PUM2: variants seen among roughly 807,000 people sequenced by gnomAD.
The protein encoded by PUM2 is pumilio RNA binding family member 2, also known as pumilio homolog 2.
A neutral mutation model predicts 124.5 loss-of-function variants in PUM2; 57 were observed. The observed-to-expected ratio is 0.46, with a 90% CI of 0.37 to 0.57. The LOEUF (loss-of-function observed/expected upper bound fraction) is 0.57. PUM2 is among the 20% of genes least tolerant of loss of function. The probability of loss-of-function intolerance (pLI) is 0.00; values close to 1 mark genes in which losing one functional copy is unlikely to be tolerated. For synonymous variants in PUM2, 460 were observed against 446.1 expected, an observed-to-expected ratio of 1.03 and a Z score of -0.39; for missense variants, 1,065 against 1,290.6, an observed-to-expected ratio of 0.83 and a Z score of 2.68.
chr2:20,263,725 T>A (rs1666861590), intron 13 of PUM2, among the ~76,000 whole-genome samples: 1 of 151,788 alleles, frequency 6.6e-6, no homozygotes, highest in African/African-American at 2.4e-5. Flanking sequence ...AATTATATGA[T>A]CTAGTGTCAT....
At chr2:20,282,033 C>A (rs1273818525) in intron 12 of PUM2, among the ~76,000 whole-genome samples, 2 of 152,194 alleles carry the variant, frequency 1.3e-5, no homozygotes, top group East Asian at 3.8e-4. Context: ...ATATTAAGGA[C>A]TGTAGCAAGT....
In PUM2 at chr2:20,290,032, G is replaced by A. The variant is rs981801867; in HGVS notation, c.1291+620C>T. ...CATTTTTTTTACTTAGAAAACAACC[G>A]TTCTTCCTCCATTATTATTAGTGAT... On this transcript the variant is annotated intron_variant, in intron 10 of 20. Transcript: ENST00000361078. Among the ~76,000 whole-genome samples the A allele has an allele frequency of 3.6e-4, 55 of 151,960 alleles. 1 individual carries two copies. Among genetic ancestry groups the A allele is most frequent in the African/African-American group, 1.2e-3 (51 of 41,370 alleles).
chr2:20,267,793 T>C (rs10204489), intron 13 of PUM2, among the ~76,000 whole-genome samples: 5,331 of 152,280 alleles, frequency 0.035, 88 homozygotes, highest in Middle Eastern at 0.068. Context: ...GCTTATCTCA[T>C]ACGACAGTGT....
In PUM2 at chr2:20,292,671, C is replaced by G. The variant is rs541444423; in HGVS notation, c.1152+1705G>C. On this transcript the variant is annotated intron_variant, in intron 9 of 20. Coordinates refer to ENST00000361078, the MANE Select transcript of PUM2 (RefSeq NM_015317.5). ...CTAGGCTGGGCGCAGTGGCTCACAC[C>G]TGTAATCCCAGCACTTTGGGAGGCC... 7.9e-5 allele frequency among the ~76,000 whole-genome samples: 12 copies of G among 152,274 alleles called. No individual in the cohort carries two copies. In the South Asian group the frequency reaches 2.3e-3, roughly 29 times the overall value.
chr2:20,258,097 C>T, intron 16 of PUM2, 146 bp downstream of exon 16: 1 of 623,906 alleles, frequency 1.6e-6, no homozygotes, highest in Non-Finnish European at 2.5e-6. Flanking sequence ...TAGTAGTGTG[C>T]TATTTAGGAC....
At position 20,310,865 on chromosome 2, in the gene PUM2, C is replaced by A. The variant is rs577007226; in HGVS notation, c.518+629G>T. The stretch of plus-strand genomic sequence containing the variant: ...TATAGATAAATATATACTGTCTAAT[C>A]TAAGACCAAAGGCTAAAGTACTCAT... On this transcript the variant is annotated intron_variant, in intron 5 of 20. Transcript: ENST00000361078. Among the ~76,000 whole-genome samples, 3 of 152,060 alleles carry A rather than the reference C, an allele frequency of 2.0e-5. No homozygotes were observed. The South Asian group carries it at 6.2e-4, about 31-fold the overall frequency.
At position 20,312,360 on chromosome 2, in the gene PUM2, C is replaced by T; in HGVS notation, c.224G>A (p.Ser75Asn). 1 of 1,613,818 alleles carries T rather than the reference C, an allele frequency of 6.2e-7. No homozygotes were observed. Among genetic ancestry groups the T allele is most frequent in the Middle Eastern group, 1.7e-4 (1 of 6,060 alleles). The change falls in exon 4 of 21, where the codon AGT (serine) becomes AAT (asparagine). Residue 75 changes from serine to asparagine, a missense_variant. Physicochemically the swap from Ser to Asn is conservative, Grantham distance 46. Around this residue, in one of 3 missense-constraint regions of PUM2, gnomAD observed 90 missense variants for 103.6 expected, o/e 0.87. Coordinates refer to ENST00000361078, the MANE Select transcript of PUM2 (RefSeq NM_015317.5). ...RRSGQGFHGN[S>N]EVNAILSPRS... ...CGGAGACAGTATTGCATTTACTTCA[C>T]TGTTTCCATGAAAACCCTGTCCAGA...
In PUM2 at chr2:20,248,939, A is replaced by T. The variant is rs745357804; in HGVS notation, c.*2646T>A. 2 of 152,380 alleles carry T rather than the reference A, an allele frequency of 1.3e-5. No individual in the cohort carries two copies. The highest frequency in any genetic ancestry group is 1.9e-4 in the East Asian group (1 of 5,192). 9.4% of individuals were successfully genotyped at this position (152,380 alleles called of 1,614,324 possible). Reference sequence around the variant, plus strand: ...CCCAATTGTTTTATTCTGAAATGTGATTTTCAGATTTTACCAAAATTTCAT... The same window carrying T: ...CCCAATTGTTTTATTCTGAAATGTGTTTTTCAGATTTTACCAAAATTTCAT... On this transcript the variant is annotated 3_prime_UTR_variant, in exon 21 of 21. Transcript: ENST00000361078.
At chr2:20,311,380 A>G (rs1188881396) in intron 5 of PUM2, 114 bp downstream of exon 5, 2 of 1,223,132 alleles carry the variant, frequency 1.6e-6, no homozygotes, top group Admixed American at 6.6e-5. Flanking sequence ...AGATTAACAC[A>G]AAGTTCAAAG....
At chr2:20,341,589 AT>A (rs1687239320) in intron 1 of PUM2, among the ~76,000 whole-genome samples, 1 of 152,210 alleles carries the variant, frequency 6.6e-6, no homozygotes, top group Non-Finnish European at 1.5e-5. Flanking sequence ...GTATTTCTTC[AT>A]ATTGTAAGAC....
intron 7 of PUM2, among the ~76,000 whole-genome samples, chr2:20,306,057 T>C (rs779600858): frequency 5.3e-5 from 8 of 151,850 alleles, no homozygotes; most frequent in Admixed American, 2.0e-4. Flanking sequence ...TACAAAAAAT[T>C]TGCCAGGTGT....
chr2:20,269,496 A>G (rs979543013), intron 13 of PUM2, among the ~76,000 whole-genome samples: 12 of 152,138 alleles, frequency 7.9e-5, no homozygotes, highest in African/African-American at 2.7e-4. Context: ...AATGCTTATA[A>G]TAACTATACA....
At position 20,306,670 on chromosome 2, in the gene PUM2, G is replaced by A. The variant is rs550511051; in HGVS notation, c.883+1308C>T. Among the ~76,000 whole-genome samples the A allele has an allele frequency of 2.0e-5, 3 of 148,084 alleles. No homozygotes were observed. The East Asian group carries it at 6.1e-4, about 30-fold the overall frequency. On this transcript the variant is annotated intron_variant, in intron 7 of 20. Coordinates refer to ENST00000361078, the MANE Select transcript of PUM2 (RefSeq NM_015317.5). ...GTCACCCAGGCTGGAGTGCAGTGGT[G>A]CAATCTTGCTTCACTGCAGCCTCCG... is the stretch of plus-strand genomic sequence containing the variant.
At chr2:20,309,019 A>G (rs1678998822) in intron 5 of PUM2, among the ~76,000 whole-genome samples, 1 of 152,112 alleles carries the variant, frequency 6.6e-6, no homozygotes, top group African/African-American at 2.4e-5. Context: ...GCCAACACAT[A>G]ATTTTGCCAT....
At chr2:20,342,239 T>G (rs1687373736) in intron 1 of PUM2, among the ~76,000 whole-genome samples, 1 of 152,202 alleles carries the variant, frequency 6.6e-6, no homozygotes, top group Admixed American at 6.5e-5. Context: ...ATAACAATTT[T>G]AAGAAGCAGA....
intron 9 of PUM2, among the ~76,000 whole-genome samples, 160 bp downstream of exon 9, chr2:20,294,216 A>C (rs1026754783): frequency 6.6e-6 from 1 of 152,222 alleles, no homozygotes; most frequent in Non-Finnish European, 1.5e-5. Context: ...ACTGATTAGG[A>C]AAAATAAAAT....
chr2:20,269,228 T>C (rs1375490909), intron 13 of PUM2, among the ~76,000 whole-genome samples: 1 of 151,794 alleles, frequency 6.6e-6, no homozygotes, highest in Non-Finnish European at 1.5e-5. Flanking sequence ...TGAGACGGAG[T>C]GCCACTCTGT....
intron 1 of PUM2, 51 bp downstream of exon 1, chr2:20,350,546 T>C (rs1689150758): frequency 1.1e-5 from 11 of 985,398 alleles, no homozygotes; most frequent in Non-Finnish European, 1.3e-5. Context: ...TGGGGAGCCA[T>C]CCTCGACGGC....
chr2:20,311,155 A>G lies in PUM2; in HGVS notation c.518+339T>C, dbSNP rs532396925. On this transcript the variant is annotated intron_variant, in intron 5 of 20. Transcript: ENST00000361078. Reference sequence around the variant, plus strand: ...TGCTCAAAAGCACTCCCAAGAGGGGAAAAAAAAAAATCAGAGTAAACCTAC... The same window carrying G: ...TGCTCAAAAGCACTCCCAAGAGGGGGAAAAAAAAAATCAGAGTAAACCTAC... Among the ~76,000 whole-genome samples, 107 of 141,984 alleles carry G rather than the reference A, an allele frequency of 7.5e-4. No individual in the cohort carries two copies. In the South Asian group the frequency reaches 0.011, roughly 14 times the overall value. 93.1% of individuals were successfully genotyped at this position (141,984 alleles called of 152,430 possible).
Sources: gnomAD v4.1 joint callset for allele counts (sites outside exome capture counted in the v4.1 genomes callset) on GRCh38, gnomAD v4.1.1 for gene constraint, gnomAD v4.1.1 regional missense constraint, MANE v1.5 for transcripts, NCBI Gene and HGNC (gene_info 2026-07-23, HGNC 2026-07-21) for gene names.